ZDHHC2: variants seen among roughly 807,000 people sequenced by gnomAD.
ZDHHC2 encodes zDHHC palmitoyltransferase 2, also known as palmitoyltransferase ZDHHC2.
A neutral mutation model predicts 55.6 loss-of-function variants in ZDHHC2; 51 were observed. The ratio of observed to expected loss-of-function variants is 0.92; its 90% CI spans 0.73 to 1.16. ZDHHC2 has a LOEUF of 1.16. Ranked by LOEUF, ZDHHC2 falls within the 50% of genes most tolerant of loss-of-function variation. The probability of loss-of-function intolerance (pLI) is 0.00; values close to 1 mark genes in which losing one functional copy is unlikely to be tolerated. For missense variants in ZDHHC2, 491 were observed against 442.4 expected, an observed-to-expected ratio of 1.11 and a Z score of -0.99; for synonymous variants, 199 against 152.9, an observed-to-expected ratio of 1.30 and a Z score of -2.22.
intron 1 of ZDHHC2, among the ~76,000 whole-genome samples, chr8:17,168,798 C>T (rs1563141070): frequency 6.6e-6 from 1 of 152,054 alleles, no homozygotes; most frequent in African/African-American, 2.4e-5. Flanking sequence ...TCAGAGTTCA[C>T]CTGTGTTGTA....
intron 1 of ZDHHC2, among the ~76,000 whole-genome samples, chr8:17,161,101 A>G (rs1025136480): frequency 6.6e-6 from 1 of 152,336 alleles, no homozygotes; most frequent in East Asian, 1.9e-4. Flanking sequence ...CAAGAAAACA[A>G]ACATCCCTAA....
chr8:17,196,545 C>A (rs1317380258), intron 4 of ZDHHC2, among the ~76,000 whole-genome samples: 2 of 150,670 alleles, frequency 1.3e-5, no homozygotes, highest in Admixed American at 6.6e-5. Context: ...CAGAGTGAGA[C>A]CCTGTCTCTA....
At chr8:17,174,567 T>G (rs915281348) in intron 1 of ZDHHC2, among the ~76,000 whole-genome samples, 1 of 152,196 alleles carries the variant, frequency 6.6e-6, no homozygotes, top group African/African-American at 2.4e-5. Context: ...ATGCAGAAGC[T>G]TTTGATGGCT....
Position 17,223,458 on chromosome 8 carries a change from T to A in ZDHHC2, c.*3237T>A, listed in dbSNP as rs981245480. On this transcript the variant is annotated 3_prime_UTR_variant, in exon 13 of 13. Coordinates refer to ENST00000262096, the MANE Select transcript of ZDHHC2 (RefSeq NM_016353.5). ...TTAATATCTTTCTGCAGAAACGTGT[T>A]CTTCTAAAGCAGAAAACCACGTGGC... is the stretch of plus-strand genomic sequence containing the variant. The A allele has an allele frequency of 9.9e-5, 15 of 151,916 alleles. No homozygotes were observed. Among genetic ancestry groups the A allele is most frequent in the Non-Finnish European group, 2.1e-4 (14 of 67,820 alleles). 9.4% of individuals were successfully genotyped at this position (151,916 alleles called of 1,614,324 possible). A position where few individuals can be genotyped will look rare whatever the true frequency, so the allele number is the denominator to read the frequency against.
intron 4 of ZDHHC2, among the ~76,000 whole-genome samples, chr8:17,196,959 A>G (rs1279704834): frequency 2.6e-5 from 4 of 152,080 alleles, no homozygotes; most frequent in Admixed American, 1.3e-4. Context: ...TTTCTGACTC[A>G]CTTTAGAATC....
At chr8:17,184,729 G>T (rs1312821047) in intron 1 of ZDHHC2, 60 bp from the exon 2 acceptor site, 7 of 1,409,294 alleles carry the variant, frequency 5.0e-6, no homozygotes, top group Non-Finnish European at 6.7e-6. Flanking sequence ...CCTTATGTCT[G>T]TGTCAAGCCC....
At chr8:17,158,103 AC>A (rs1221569539) in intron 1 of ZDHHC2, among the ~76,000 whole-genome samples, 1 of 152,136 alleles carries the variant, frequency 6.6e-6, no homozygotes, top group Non-Finnish European at 1.5e-5. Flanking sequence ...CAAAAAAAAA[AC>A]CTTGAGTCTG....
At chr8:17,157,801 C>A (rs1003493038) in intron 1 of ZDHHC2, among the ~76,000 whole-genome samples, 2 of 152,176 alleles carry the variant, frequency 1.3e-5, no homozygotes, top group African/African-American at 2.4e-5. Context: ...AACAAAGTGT[C>A]TGTTTTTGCC....
At chr8:17,201,369 A>T (rs1350080747) in intron 6 of ZDHHC2, among the ~76,000 whole-genome samples, 7 of 151,774 alleles carry the variant, frequency 4.6e-5, no homozygotes, top group Non-Finnish European at 1.0e-4. Flanking sequence ...GTATGAATAT[A>T]TAAAAAATCT....
At chr8:17,160,545 C>G (rs1036125162) in intron 1 of ZDHHC2, among the ~76,000 whole-genome samples, 4 of 152,210 alleles carry the variant, frequency 2.6e-5, no homozygotes, top group African/African-American at 9.7e-5. Flanking sequence ...GAGGTGTCAG[C>G]TATGACCTTA....
intron 12 of ZDHHC2, among the ~76,000 whole-genome samples, chr8:17,217,959 A>C (rs748218910): frequency 1.3e-5 from 2 of 152,242 alleles, no homozygotes; most frequent in Admixed American, 6.5e-5. Context: ...CTCTCTTTAC[A>C]TAACGGCAAT....
chr8:17,166,188 G>C (rs1435545447), intron 1 of ZDHHC2, among the ~76,000 whole-genome samples: 2 of 152,302 alleles, frequency 1.3e-5, no homozygotes, highest in Non-Finnish European at 2.9e-5. Context: ...CTAGGCTACT[G>C]CATCAATCCA....
intron 1 of ZDHHC2, among the ~76,000 whole-genome samples, chr8:17,163,131 G>A (rs62497324): frequency 2.6e-5 from 4 of 152,222 alleles, no homozygotes; most frequent in African/African-American, 9.6e-5. Flanking sequence ...AGCCTGGAGA[G>A]CTTAGCTTAG....
At chr8:17,196,979 T>A (rs1228438189) in intron 4 of ZDHHC2, among the ~76,000 whole-genome samples, 1 of 152,208 alleles carries the variant, frequency 6.6e-6, no homozygotes, top group African/African-American at 2.4e-5. Context: ...CATAATTGAA[T>A]CTTAACTATA....
At chr8:17,191,722 A>G (rs1404578016) in intron 3 of ZDHHC2, among the ~76,000 whole-genome samples, 1 of 152,162 alleles carries the variant, frequency 6.6e-6, no homozygotes, top group Non-Finnish European at 1.5e-5. Flanking sequence ...TCATCCATTG[A>G]TGGACACTGA....
chr8:17,183,276 A>G (rs1805526719), intron 1 of ZDHHC2, among the ~76,000 whole-genome samples: 1 of 152,206 alleles, frequency 6.6e-6, no homozygotes, highest in Non-Finnish European at 1.5e-5. Flanking sequence ...GATCCAGAAA[A>G]GAGTTGTCAA....
chr8:17,168,533 A>G (rs1053661767), intron 1 of ZDHHC2, among the ~76,000 whole-genome samples: 1 of 152,188 alleles, frequency 6.6e-6, no homozygotes, highest in Non-Finnish European at 1.5e-5. Context: ...ATTTTTAAGT[A>G]TACAGATTAG....
At position 17,210,291 on chromosome 8, in the gene ZDHHC2, G is replaced by A. The variant is rs527916523; in HGVS notation, c.858-97G>A. 17 of 1,280,922 alleles carry A rather than the reference G, an allele frequency of 1.3e-5. No homozygotes were observed. The East Asian group carries it at 3.9e-4, about 30-fold the overall frequency. The allele number at this position is 1,280,922 out of a possible 1,614,324, so 79.3% of individuals were successfully genotyped here. A position where few individuals can be genotyped will look rare whatever the true frequency, so the allele number is the denominator to read the frequency against. On this transcript the variant is annotated intron_variant, in intron 9 of 12. Coordinates refer to ENST00000262096, the MANE Select transcript of ZDHHC2 (RefSeq NM_016353.5). The stretch of plus-strand genomic sequence containing the variant: ...CTAATACACATTTTTTTTGCCTAGA[G>A]TATAGCATGTTCTGCTCTCGGACAT...
intron 1 of ZDHHC2, among the ~76,000 whole-genome samples, chr8:17,184,004 C>G (rs1805570492): frequency 6.6e-6 from 1 of 152,072 alleles, no homozygotes; most frequent in African/African-American, 2.4e-5. Flanking sequence ...TTTTGAAAAG[C>G]TGAATAAGGA....
Sources: allele counts gnomAD v4.1 joint callset (sites outside exome capture counted in the v4.1 genomes callset), GRCh38; gene constraint gnomAD v4.1.1; transcripts MANE v1.5; gene names NCBI Gene and HGNC (gene_info 2026-07-23, HGNC 2026-07-21).